CHRNA5: variants seen among roughly 807,000 people sequenced by gnomAD.
The protein encoded by CHRNA5 is cholinergic receptor nicotinic alpha 5 subunit, also known as neuronal acetylcholine receptor subunit alpha-5.
Under a neutral mutation model 41.2 loss-of-function variants are expected in CHRNA5, and 28 were observed. The observed-to-expected ratio is 0.68, with a 90% CI of 0.50 to 0.93. The LOEUF is 0.93. CHRNA5 is among the 40% of genes least tolerant of loss of function. CHRNA5 has a pLI of 0.00. For missense variants in CHRNA5, 481 were observed against 581.9 expected (o/e 0.83, Z 1.78); for synonymous variants, 188 against 205.8 (o/e 0.91, Z 0.74).
At chr15:78,565,674 G>GCTCCGCCT in exon 1 of CHRNA5, 1 of 719,764 alleles carries the variant, frequency 1.4e-6, no homozygotes, top group Non-Finnish European at 1.8e-6. Flanking sequence ...TTCCCCGCGC[G>GCTCCGCCT]GCGGTCGAGA....
rs2052981195 is a variant in CHRNA5 at position 78,588,431 on chromosome 15, A to G, written c.413+8A>G. The G allele has an allele frequency of 1.6e-6, 2 of 1,231,210 alleles. No homozygotes were observed. Among genetic ancestry groups the G allele is most frequent in the African/African-American group, 1.5e-5 (1 of 64,994 alleles). The allele number at this position is 1,231,210 out of a possible 1,614,324, so 76.3% of individuals were successfully genotyped here. On this transcript the variant is annotated splice_region_variant and intron_variant, in intron 4 of 5. Transcript: ENST00000299565. This position sits in a 1 kb window ranked among gnomAD's most constrained non-coding sequence, Gnocchi z 4.1. ...CATCGTTTTGTTTGATAAGTAAGTT[A>G]TATTCTAAATATAGTTTTATATTTT...
chr15:78,592,824 TTTTA>T (rs1329763735), intron 5 of CHRNA5, among the ~76,000 whole-genome samples: 19 of 152,204 alleles, frequency 1.2e-4, no homozygotes, highest in African/African-American at 3.4e-4. Context: ...TCCAAGTCTA[TTTTA>T]ATTTTTAATC....
chr15:78,589,952 AT>A lies in CHRNA5; in HGVS notation c.564del (p.Phe188LeufsTer13), dbSNP rs1208428942. ...TTGACCTTCAGAACTGTTCCATGAA[AT>A]TTGGTTCTTGGACTTATGATGGATC... On this transcript the variant is annotated frameshift_variant, in exon 5 of 6. Transcript: ENST00000299565. LOFTEE classifies it high-confidence loss of function. 1 of 1,614,008 alleles carries A rather than the reference AT, an allele frequency of 6.2e-7. No individual in the cohort carries two copies. The highest frequency in any genetic ancestry group is 1.3e-5 in the African/African-American group (1 of 74,928).
At chr15:78,590,974 G>A (rs2053007729) in intron 5 of CHRNA5, 1 of 231,478 alleles carries the variant, frequency 4.3e-6, no homozygotes, top group African/African-American at 2.3e-5. Flanking sequence ...CTTGGGGTGA[G>A]GGCAGTGGGT....
chr15:78,595,250 T>TAAGTCAAAAGAAAGATGTCG (rs1199079920), exon 6 of CHRNA5: 1 of 975,062 alleles, frequency 1.0e-6, no homozygotes, highest in African/African-American at 1.8e-5. Context: ...ATGATTTTTA[T>TAAGTCAAAAGAAAGATGTCG]ATATAAATTT....
At chr15:78,590,253 G>A (rs2141421940) in exon 5 of CHRNA5, 1 of 1,613,910 alleles carries the variant, frequency 6.2e-7, no homozygotes, top group Non-Finnish European at 8.5e-7. Flanking sequence ...CTGCACTTCA[G>A]TACTTGTGTC....
At chr15:78,592,690 C>T (rs535636802) in intron 5 of CHRNA5, among the ~76,000 whole-genome samples, 31 of 152,310 alleles carry the variant, frequency 2.0e-4, no homozygotes, top group Admixed American at 1.4e-3. Context: ...TCTGAACCAA[C>T]TTTTAATTTG....
chr15:78,579,318 A>G (rs567704643), intron 1 of CHRNA5, among the ~76,000 whole-genome samples: 1 of 152,090 alleles, frequency 6.6e-6, no homozygotes, highest in South Asian at 2.1e-4. Context: ...CAGTGGCACA[A>G]TCTCGGCTCA....
chr15:78,580,882 A>T lies in CHRNA5; in HGVS notation c.178A>T (p.Arg60Ter). 1 of 1,613,716 alleles carries T rather than the reference A, an allele frequency of 6.2e-7. No individual in the cohort carries two copies. The highest frequency in any genetic ancestry group is 8.5e-7 in the Non-Finnish European group (1 of 1,179,532). ...TAAGGATTTATTTCAAGACTACGAA[A>T]GATGGGTTCGTCCTGTGGAACACCT... The change falls in exon 2 of 6, where the codon AGA (arginine) becomes TGA (stop). Residue 60 changes from arginine (R) to a stop codon, truncating the protein, a stop_gained. Transcript: ENST00000299565. LOFTEE classifies it high-confidence loss of function.
chr15:78,586,449 TAGAG>T (rs1567060520), intron 2 of CHRNA5, among the ~76,000 whole-genome samples, 192 bp from the exon 3 acceptor site: 2 of 152,126 alleles, frequency 1.3e-5, no homozygotes, highest in African/African-American at 2.4e-5. Flanking sequence ...TTATCTGAAA[TAGAG>T]AGTATGTTGA....
chr15:78,571,726 A>G (rs564285663), intron 1 of CHRNA5, among the ~76,000 whole-genome samples: 1 of 152,162 alleles, frequency 6.6e-6, no homozygotes, highest in South Asian at 2.1e-4. Flanking sequence ...TTACTAAGGC[A>G]TAGCAGTTAC....
At chr15:78,568,066 T>A (rs1192600188) in intron 1 of CHRNA5, among the ~76,000 whole-genome samples, 1 of 152,212 alleles carries the variant, frequency 6.6e-6, no homozygotes, top group Non-Finnish European at 1.5e-5. Context: ...AACTTTAAGT[T>A]TTTTAAGTTC....
intron 1 of CHRNA5, among the ~76,000 whole-genome samples, chr15:78,572,179 T>C (rs2052811878): frequency 6.6e-6 from 1 of 152,202 alleles, no homozygotes; most frequent in Non-Finnish European, 1.5e-5. Flanking sequence ...AAAAGGAAGA[T>C]ATTGGCAGCA....
chr15:78,576,100 T>G (rs1031384178), intron 1 of CHRNA5, among the ~76,000 whole-genome samples: 1 of 152,210 alleles, frequency 6.6e-6, no homozygotes, highest in East Asian at 1.9e-4. Context: ...CCTTTTGATG[T>G]AAGGGATCTT....
Position 78,590,458 on chromosome 15 carries a change from TTC to T in CHRNA5, c.1069_1070del (p.Leu357SerfsTer24). On this transcript the variant is annotated frameshift_variant, in exon 5 of 6. Coordinates refer to ENST00000299565, the Ensembl canonical transcript of CHRNA5. LOFTEE classifies it high-confidence loss of function. ...ATGGCGCCTTTGGTCCGCAAGATAT[TTC>T]TTCACACGCTTCCCAAACTGCTTTG... 9 of 1,614,204 alleles carry T rather than the reference TTC, an allele frequency of 5.6e-6. No homozygotes were observed. The highest frequency in any genetic ancestry group is 7.6e-6 in the Non-Finnish European group (9 of 1,180,042).
chr15:78,568,633 T>TG (rs2052771443), intron 1 of CHRNA5, among the ~76,000 whole-genome samples: 1 of 152,110 alleles, frequency 6.6e-6, no homozygotes, highest in South Asian at 2.1e-4. Context: ...TCCCTCCCCT[T>TG]GCCCCCAACC....
intron 1 of CHRNA5, among the ~76,000 whole-genome samples, chr15:78,575,265 T>A (rs1203158472): frequency 6.6e-6 from 1 of 152,222 alleles, no homozygotes; most frequent in African/African-American, 2.4e-5. Flanking sequence ...AATGTAAATA[T>A]ATAAAAGTGT....
chr15:78,581,032 C>T, intron 2 of CHRNA5, 70 bp downstream of exon 2: 2 of 1,473,754 alleles, frequency 1.4e-6, no homozygotes, highest in Non-Finnish European at 1.8e-6. Context: ...TGCCCAGGCA[C>T]TGTGCTAGGC....
intron 1 of CHRNA5, among the ~76,000 whole-genome samples, chr15:78,579,743 A>G (rs944451308): frequency 3.3e-5 from 5 of 152,078 alleles, no homozygotes; most frequent in Admixed American, 3.3e-4. Context: ...TGCTAATCCA[A>G]CACTCAGTTC....
Sources: allele counts gnomAD v4.1 joint callset (sites outside exome capture counted in the v4.1 genomes callset), GRCh38; gene constraint gnomAD v4.1.1; non-coding constraint Gnocchi (gnomAD v3.1); transcripts MANE v1.5; gene names NCBI Gene and HGNC (gene_info 2026-07-23, HGNC 2026-07-21).